The following CDH8 variants were observed in gnomAD, a reference collection of about 807,000 sequenced individuals.
CDH8 encodes cadherin-8.
In CDH8, 17 loss-of-function variants were observed where a neutral mutation model predicts 68.1. The ratio of observed to expected loss-of-function variants is 0.25; its 90% CI spans 0.17 to 0.37. The LOEUF (loss-of-function observed/expected upper bound fraction) is 0.37, where lower values mean the gene tolerates loss of function less well. Ranked by LOEUF, CDH8 falls within the 10% of genes least tolerant of loss-of-function variation. The probability of loss-of-function intolerance (pLI) is 1.00; values close to 1 mark genes in which losing one functional copy is unlikely to be tolerated. For synonymous variants in CDH8, 372 were observed against 365.1 expected, an observed-to-expected ratio of 1.02 and a Z score of -0.21; for missense variants, 763 against 999.3, an observed-to-expected ratio of 0.76 and a Z score of 3.19.
chr16:61,698,591 G>A (rs984076844), intron 10 of CDH8, among the ~76,000 whole-genome samples: 2 of 152,136 alleles, frequency 1.3e-5, no homozygotes, highest in Admixed American at 6.5e-5. Flanking sequence ...TATATCAAGA[G>A]GCTCAGACTC....
chr16:61,796,947 T>C (rs1370310735), intron 7 of CDH8, among the ~76,000 whole-genome samples: 2 of 152,064 alleles, frequency 1.3e-5, no homozygotes, highest in South Asian at 2.1e-4. Context: ...TATTATTGCA[T>C]TGGGGAAATA....
chr16:61,940,577 AT>A, intron 2 of CDH8: 1 of 152,120 alleles, frequency 6.6e-6, no homozygotes, highest in Non-Finnish European at 1.5e-5. Flanking sequence ...TAATTTTTGT[AT>A]TTTTAGTACA....
chr16:61,959,984 G>GTATATATATATA (rs1181394965), intron 2 of CDH8, among the ~76,000 whole-genome samples: 3,324 of 44,290 alleles, frequency 0.075, 385 homozygotes, highest in Non-Finnish European at 0.097. Context: ...GTGTGTGTGT[G>GTATATATATATA]TATATATATA....
chr16:61,944,363 G>C (rs890381008), intron 2 of CDH8, among the ~76,000 whole-genome samples: 1 of 152,114 alleles, frequency 6.6e-6, no homozygotes, highest in South Asian at 2.1e-4. Flanking sequence ...ATTCAGATAC[G>C]TTTAACAGAA....
intron 3 of CDH8, among the ~76,000 whole-genome samples, chr16:61,875,450 A>T (rs994599271): frequency 6.6e-6 from 1 of 152,064 alleles, no homozygotes; most frequent in Non-Finnish European, 1.5e-5. Context: ...TCAGACATAC[A>T]CTCAAGTTGA....
chr16:61,817,523 C>T lies in CDH8; in HGVS notation c.1233G>A (p.Gly411=), dbSNP rs569050495. The T allele has an allele frequency of 6.2e-7, 1 of 1,613,904 alleles. No individual in the cohort carries two copies. The highest frequency in any genetic ancestry group is 1.3e-5 in the African/African-American group (1 of 74,986). ...HENAALNSVI[G]QVTARDPDIT... Reference sequence around the variant, plus strand: ...TATCAGGGTCACGAGCAGTCACTTGCCCAATCACGGAGTTTAGAGCAGCAT... The same window carrying T: ...TATCAGGGTCACGAGCAGTCACTTGTCCAATCACGGAGTTTAGAGCAGCAT... Residue 411 remains glycine (G), a synonymous_variant, in exon 7 of 12, where the codon GGG becomes GGA. Transcript: ENST00000577390.
intron 2 of CDH8, among the ~76,000 whole-genome samples, chr16:61,924,208 C>T (rs890292775): frequency 7.9e-5 from 12 of 152,038 alleles, no homozygotes; most frequent in African/African-American, 2.9e-4. Flanking sequence ...ATAAGTGGTT[C>T]GAAATGTTTC....
intron 2 of CDH8, chr16:61,918,411 A>C (rs868441158): frequency 6.5e-6 from 1 of 154,824 alleles, no homozygotes; most frequent in Non-Finnish European, 1.4e-5. Context: ...TACCCGGTTC[A>C]TCTCACTAGG....
At position 61,653,072 on chromosome 16, in the gene CDH8, C is replaced by T. The variant is rs888832208; in HGVS notation, c.*536G>A. On this transcript the variant is annotated 3_prime_UTR_variant, in exon 12 of 12. Coordinates refer to ENST00000577390, the MANE Select transcript of CDH8 (RefSeq NM_001796.5). ...ACAATTATGTACAATGTGTGGTCAC[C>T]GTACTGTATAATCTAGGAGGCCTCT... The T allele has an allele frequency of 1.5e-5, 20 of 1,319,966 alleles. No homozygotes were observed. In the African/African-American group the frequency reaches 1.8e-4, roughly 12 times the overall value. The allele number at this position is 1,319,966 out of a possible 1,614,324, so 81.8% of individuals were successfully genotyped here. A position where few individuals can be genotyped will look rare whatever the true frequency, so the allele number is the denominator to read the frequency against.
chr16:61,758,765 AAG>A (rs1960387822), intron 8 of CDH8, among the ~76,000 whole-genome samples: 1 of 152,158 alleles, frequency 6.6e-6, no homozygotes, highest in South Asian at 2.1e-4. Context: ...CAAATTAAGA[AAG>A]AGTCTCAGTT....
chr16:61,894,945 A>G (rs925835988), intron 3 of CDH8, among the ~76,000 whole-genome samples: 1 of 152,148 alleles, frequency 6.6e-6, no homozygotes, highest in Admixed American at 6.5e-5. Context: ...TGCATTTGCT[A>G]CCAAGAAACC....
intron 4 of CDH8, among the ~76,000 whole-genome samples, chr16:61,835,349 G>T (rs1026361648): frequency 2.0e-5 from 3 of 151,866 alleles, no homozygotes; most frequent in African/African-American, 7.3e-5. Flanking sequence ...CCACTGTGTA[G>T]ATCACAGCCA....
chr16:61,794,955 C>A (rs1042338016), intron 7 of CDH8, among the ~76,000 whole-genome samples: 1 of 151,854 alleles, frequency 6.6e-6, no homozygotes, highest in Non-Finnish European at 1.5e-5. Flanking sequence ...CTCCTCCCCA[C>A]CCCCATACCA....
intron 8 of CDH8, among the ~76,000 whole-genome samples, chr16:61,781,121 T>C: frequency 6.6e-6 from 1 of 152,208 alleles, no homozygotes; most frequent in Non-Finnish European, 1.5e-5. Context: ...AGCTAACAGC[T>C]CAATGCCCTG....
At chr16:61,799,844 T>C (rs1961578369) in intron 7 of CDH8, among the ~76,000 whole-genome samples, 1 of 152,208 alleles carries the variant, frequency 6.6e-6, no homozygotes, top group African/African-American at 2.4e-5. Context: ...TACCAAATAA[T>C]AAGGAGTTTT....
At chr16:61,982,441 C>G (rs746195466) in intron 2 of CDH8, among the ~76,000 whole-genome samples, 2 of 152,056 alleles carry the variant, frequency 1.3e-5, no homozygotes, top group Non-Finnish European at 2.9e-5. Flanking sequence ...GGATGGTCTC[C>G]ATCTCCTGAC....
rs755837239 is a variant in CDH8 at position 61,901,267 on chromosome 16, A to G, written c.459T>C (p.Phe153=). 1.9e-6 allele frequency: 3 copies of G among 1,613,968 alleles called. No individual in the cohort carries two copies. The highest frequency in any genetic ancestry group is 2.5e-6 in the Non-Finnish European group (3 of 1,179,974). The change falls in exon 3 of 12, where the codon TTT becomes TTC. Residue 153 remains phenylalanine (F), a synonymous_variant. Transcript: ENST00000577390. ...CATTGATGTCTTGAACTTTAATAAT[A>G]AATTCAGAAGGAGGCTCCAGAGGTT... ...TSKPLEPPSE[F]IIKVQDINDN...
intron 9 of CDH8, chr16:61,725,218 T>C (rs2142889712): frequency 6.6e-6 from 1 of 150,910 alleles, no homozygotes; most frequent in Non-Finnish European, 1.5e-5. Flanking sequence ...TTTATTTTGG[T>C]TTTGCATAGG....
chr16:61,663,830 A>T (rs888589902), intron 10 of CDH8, among the ~76,000 whole-genome samples: 3 of 151,188 alleles, frequency 2.0e-5, no homozygotes, highest in South Asian at 2.1e-4. Context: ...AATTATATCA[A>T]ATAGAAATGG....
Sources: allele counts gnomAD v4.1 joint callset (sites outside exome capture counted in the v4.1 genomes callset), GRCh38; gene constraint gnomAD v4.1.1; transcripts MANE v1.5; gene names NCBI Gene and HGNC (gene_info 2026-07-23, HGNC 2026-07-21).